Variants in RBFOX1 observed in about 807,000 individuals in gnomAD.
The protein encoded by RBFOX1 is RNA binding fox-1 homolog 1.
Under a neutral mutation model 57.7 loss-of-function variants are expected in RBFOX1, and 8 were observed. That is an observed-to-expected ratio of 0.14 (90% CI 0.08 to 0.25). RBFOX1 has a LOEUF of 0.25. Among genes scored for constraint, RBFOX1 ranks in the 10% least tolerant of loss-of-function variants. The probability of loss-of-function intolerance (pLI) is 1.00; values close to 1 mark genes in which losing one functional copy is unlikely to be tolerated. For synonymous variants in RBFOX1, 326 were observed against 222.4 expected (o/e 1.47, Z -4.15); for missense variants, 611 against 548.5 (o/e 1.11, Z -1.14).
intron 4 of RBFOX1, among the ~76,000 whole-genome samples, chr16:5,897,544 A>T (rs1238259449): frequency 6.6e-6 from 1 of 152,208 alleles, no homozygotes; most frequent in Non-Finnish European, 1.5e-5. Context: ...ATATATAGTG[A>T]TGACCCCCGG....
intron 4 of RBFOX1, among the ~76,000 whole-genome samples, chr16:7,417,417 A>T (rs988383812): frequency 3.4e-5 from 5 of 148,188 alleles, no homozygotes; most frequent in African/African-American, 9.9e-5. Context: ...CTGTTCCCCC[A>T]GTTTCCCCAG....
At chr16:6,352,372 C>A (rs2086565172) in intron 2 of RBFOX1, among the ~76,000 whole-genome samples, 1 of 152,114 alleles carries the variant, frequency 6.6e-6, no homozygotes, top group African/African-American at 2.4e-5. Context: ...AATAATGATG[C>A]CACCTATAAT....
At chr16:7,377,795 A>G (rs2097711513) in intron 4 of RBFOX1, among the ~76,000 whole-genome samples, 1 of 152,198 alleles carries the variant, frequency 6.6e-6, no homozygotes, top group Non-Finnish European at 1.5e-5. Context: ...TTAGTGGGAC[A>G]GATAGGTGGT....
In RBFOX1 at chr16:5,758,711, A is replaced by T. The variant is rs114996255; in HGVS notation, c.319-108592A>T. Among the ~76,000 whole-genome samples, 1,093 of 152,298 alleles carry T rather than the reference A, an allele frequency of 7.2e-3. 15 individuals carry two copies. Among genetic ancestry groups the T allele is most frequent in the African/African-American group, 0.025 (1,032 of 41,562 alleles). ...ATGTGTTGTAAGTACAAGCTGTTGGATGTCAGGGAAGACGTGGAATGGTAA... is the reference window on the plus strand; with the variant it reads ...ATGTGTTGTAAGTACAAGCTGTTGGTTGTCAGGGAAGACGTGGAATGGTAA... On this transcript the variant is annotated intron_variant, in intron 3 of 19. Coordinates refer to the RBFOX1 transcript ENST00000641259.
intron 3 of RBFOX1, among the ~76,000 whole-genome samples, chr16:5,683,859 G>GATGTATGTATATGT (rs2050422701): frequency 6.7e-6 from 1 of 149,954 alleles, no homozygotes; most frequent in Admixed American, 6.7e-5. Flanking sequence ...ATTACATACA[G>GATGTATGTATATGT]ATACCTATAT....
intron 3 of RBFOX1, among the ~76,000 whole-genome samples, chr16:5,826,383 C>T (rs550735424): frequency 6.6e-6 from 1 of 152,246 alleles, no homozygotes; most frequent in Admixed American, 6.5e-5. Context: ...TTCCACATTA[C>T]AGTGTTTCAG....
intron 4 of RBFOX1, among the ~76,000 whole-genome samples, chr16:5,871,513 CA>C (rs1032369676): frequency 2.6e-5 from 4 of 152,138 alleles, no homozygotes; most frequent in African/African-American, 9.7e-5. Context: ...TGTTTTATCG[CA>C]AAAACGCATA....
At chr16:6,099,091 G>A (rs12934851) in intron 1 of RBFOX1, among the ~76,000 whole-genome samples, 72,703 of 152,034 alleles carry the variant, frequency 0.48, 18,022 homozygotes, top group African/African-American at 0.58. Flanking sequence ...TATGAGTCCA[G>A]GGGGCGACAC....
intron 3 of RBFOX1, among the ~76,000 whole-genome samples, chr16:6,828,638 C>G (rs1411341241): frequency 6.6e-6 from 1 of 152,034 alleles, no homozygotes; most frequent in African/African-American, 2.4e-5. Flanking sequence ...CAACATGGTG[C>G]TGAATTTGAC....
At position 7,597,382 on chromosome 16, in the gene RBFOX1, C is replaced by G. The variant is rs748133904; in HGVS notation, c.573C>G (p.Ala191=). Residue 191 remains alanine, a synonymous_variant, in exon 9 of 16, where the codon GCC becomes GCG. Transcript: ENST00000550418. ...VEGRKIEVNN[A]TARVMTNKKT... is the part of the protein sequence containing the mutation. The stretch of plus-strand genomic sequence containing the variant: ...TTCTATGTACATAGGTAAATAATGC[C>G]ACAGCACGTGTAATGACAAATAAAA... 1 of 1,609,672 alleles carries G rather than the reference C, an allele frequency of 6.2e-7. No homozygotes were observed. Among genetic ancestry groups the G allele is most frequent in the African/African-American group, 1.3e-5 (1 of 74,678 alleles).
intron 3 of RBFOX1, among the ~76,000 whole-genome samples, chr16:6,891,269 C>T (rs1249338095): frequency 6.6e-6 from 1 of 152,304 alleles, no homozygotes; most frequent in Non-Finnish European, 1.5e-5. Context: ...ATAAGAACAA[C>T]TGCTTGAAGC....
chr16:6,747,351 G>A (rs867538129), intron 3 of RBFOX1, among the ~76,000 whole-genome samples: 11 of 152,148 alleles, frequency 7.2e-5, no homozygotes, highest in South Asian at 4.2e-4. Context: ...AGATTGTAGT[G>A]AGCCAAGATG....
chr16:7,120,082 C>T (rs1050796295), intron 4 of RBFOX1, among the ~76,000 whole-genome samples: 1 of 151,946 alleles, frequency 6.6e-6, no homozygotes, highest in Non-Finnish European at 1.5e-5. Flanking sequence ...GGAAATTAAA[C>T]CGCAAAGTCT....
At chr16:6,313,377 G>C (rs890163560) in intron 1 of RBFOX1, among the ~76,000 whole-genome samples, 1 of 152,220 alleles carries the variant, frequency 6.6e-6, no homozygotes, top group Admixed American at 6.5e-5. Context: ...GGGGCAAGGG[G>C]TGCAAGCCTG....
intron 3 of RBFOX1, among the ~76,000 whole-genome samples, chr16:6,980,077 C>T (rs537408855): frequency 1.3e-5 from 2 of 152,118 alleles, no homozygotes; most frequent in African/African-American, 4.8e-5. Context: ...GGCACCTTGA[C>T]CCTGGTGTTA....
intron 4 of RBFOX1, among the ~76,000 whole-genome samples, chr16:7,487,942 T>G (rs1211763992): frequency 6.6e-6 from 1 of 152,126 alleles, no homozygotes; most frequent in Non-Finnish European, 1.5e-5. Context: ...GGATTCCCAC[T>G]CTTGGAATGG....
chr16:7,517,138 CGTGTGTGTGTGTGTGTGTGTGTGTGT>C (rs200887129), intron 4 of RBFOX1, among the ~76,000 whole-genome samples: 7 of 130,220 alleles, frequency 5.4e-5, no homozygotes, highest in East Asian at 2.3e-4. Context: ...TTTCTTATGC[CGTGTGTGTGTGTGTGTGTGTGTGTGT>C]GTGTGTGTGT....
chr16:6,724,542 C>G (rs981816995), intron 3 of RBFOX1, among the ~76,000 whole-genome samples: 1 of 152,046 alleles, frequency 6.6e-6, no homozygotes, highest in Non-Finnish European at 1.5e-5. Flanking sequence ...AGGCCCTCAC[C>G]AGACACCAAA....
chr16:7,090,089 T>C (rs1184344833), intron 4 of RBFOX1, among the ~76,000 whole-genome samples: 1 of 152,184 alleles, frequency 6.6e-6, no homozygotes, highest in African/African-American at 2.4e-5. Flanking sequence ...TAAATAAAGA[T>C]AGTCTAAATG....
Sources: gnomAD v4.1 joint callset for allele counts (sites outside exome capture counted in the v4.1 genomes callset) on GRCh38, gnomAD v4.1.1 for gene constraint, MANE v1.5 for transcripts, NCBI Gene and HGNC (gene_info 2026-07-23, HGNC 2026-07-21) for gene names.